Variants in LPA observed in about 807,000 individuals in gnomAD.
LPA encodes apolipoprotein(a).
A neutral mutation model predicts 197.9 loss-of-function variants in LPA; 199 were observed. The ratio of observed to expected loss-of-function variants is 1.01; its 90% CI spans 0.90 to 1.13. LPA has a LOEUF of 1.13. Among genes scored for constraint, LPA ranks in the 50% most tolerant of loss-of-function variants. The probability of loss-of-function intolerance (pLI) is 0.00; values close to 1 mark genes in which losing one functional copy is unlikely to be tolerated. For synonymous variants in LPA, 715 were observed against 639.5 expected (o/e 1.12, Z -1.78); for missense variants, 1,853 against 1,785.8 (o/e 1.04, Z -0.68).
At chr6:160,543,369 G>A (rs539349521) in intron 33 of LPA, among the ~76,000 whole-genome samples, 3 of 152,242 alleles carry the variant, frequency 2.0e-5, no homozygotes, top group Admixed American at 1.3e-4. Context: ...TACAGAGGGT[G>A]TTCAAAAATG....
chr6:160,609,066 T>C lies in LPA; in HGVS notation c.2604-2408A>G, dbSNP rs551336416. Among the ~76,000 whole-genome samples, 3 of 152,312 alleles carry C rather than the reference T, an allele frequency of 2.0e-5. No individual in the cohort carries two copies. The East Asian group carries it at 5.8e-4, about 29-fold the overall frequency. ...TGTTACTTTCTTTTGATATTTTATC[T>C]GTTTTATTACATATTCATCTTTTTT... On this transcript the variant is annotated intron_variant, in intron 16 of 38. Transcript: ENST00000316300.
At chr6:160,658,316 T>C (rs992174664) in intron 1 of LPA, among the ~76,000 whole-genome samples, 2 of 152,308 alleles carry the variant, frequency 1.3e-5, no homozygotes, top group Non-Finnish European at 1.5e-5. Context: ...GGCAAGGCTG[T>C]GCATGCACCT....
At chr6:160,605,360 T>C (rs948519377) in intron 17 of LPA, among the ~76,000 whole-genome samples, 155 bp from the exon 18 acceptor site, 5 of 152,174 alleles carry the variant, frequency 3.3e-5, no homozygotes, top group African/African-American at 1.2e-4. Context: ...TGTAGGCAGA[T>C]GGACTTGAGA....
chr6:160,562,962 T>C (rs1297843019), intron 28 of LPA, among the ~76,000 whole-genome samples: 1 of 152,238 alleles, frequency 6.6e-6, no homozygotes, highest in East Asian at 1.9e-4. Flanking sequence ...CTCTATTTTC[T>C]TCTTTATTAG....
intron 2 of LPA, among the ~76,000 whole-genome samples, chr6:160,647,611 A>T (rs999390312): frequency 7.2e-5 from 11 of 152,178 alleles, no homozygotes; most frequent in Non-Finnish European, 1.2e-4. Context: ...TTATACAACA[A>T]ACCTCAGAGT....
chr6:160,561,975 T>A (rs998262501), intron 28 of LPA, among the ~76,000 whole-genome samples: 4 of 152,160 alleles, frequency 2.6e-5, no homozygotes, highest in African/African-American at 7.2e-5. Flanking sequence ...TGGGCTGAGA[T>A]GATAGAGTTT....
At chr6:160,587,899 T>A (rs1324921668) in intron 24 of LPA, among the ~76,000 whole-genome samples, 1 of 152,082 alleles carries the variant, frequency 6.6e-6, no homozygotes, top group Non-Finnish European at 1.5e-5. Flanking sequence ...AAAGTGATGA[T>A]AAGGCCATCC....
chr6:160,587,605 G>A (rs1348912116), intron 24 of LPA, among the ~76,000 whole-genome samples: 1 of 151,914 alleles, frequency 6.6e-6, no homozygotes, highest in Non-Finnish European at 1.5e-5. Context: ...TGTATATTTG[G>A]CGTGTTGCGA....
chr6:160,609,268 T>C (rs374665056), intron 16 of LPA, among the ~76,000 whole-genome samples: 3 of 152,116 alleles, frequency 2.0e-5, no homozygotes, highest in African/African-American at 7.2e-5. Flanking sequence ...TTATCCAACA[T>C]GGATGATCTT....
chr6:160,643,083 A>AGATTGTGTGTGT (rs1554242208), intron 4 of LPA, among the ~76,000 whole-genome samples: 33 of 130,844 alleles, frequency 2.5e-4, no homozygotes, highest in South Asian at 5.3e-4. Context: ...GTGTGTTTTC[A>AGATTGTGTGTGT]GTGTGTGTGT....
At chr6:160,659,269 T>C (rs1199234124) in intron 1 of LPA, among the ~76,000 whole-genome samples, 1 of 152,132 alleles carries the variant, frequency 6.6e-6, no homozygotes, top group Non-Finnish European at 1.5e-5. Flanking sequence ...TGGCCTCTTT[T>C]CCATAGGGTG....
chr6:160,563,574 C>G (rs1778398248), intron 28 of LPA, among the ~76,000 whole-genome samples: 1 of 152,172 alleles, frequency 6.6e-6, no homozygotes, highest in Non-Finnish European at 1.5e-5. Flanking sequence ...CTGTAGATGT[C>G]TATTAGGTCA....
intron 30 of LPA, among the ~76,000 whole-genome samples, chr6:160,553,966 CGTGT>C (rs1231552269): frequency 8.7e-5 from 4 of 45,772 alleles, no homozygotes; most frequent in Non-Finnish European, 2.3e-4. Flanking sequence ...CGCGCGCGCG[CGTGT>C]GCGTGTGTGT....
Position 160,547,843 on chromosome 6 carries a change from A to T in LPA, c.5250T>A (p.His1750Gln). The change falls in exon 32 of 39, where the codon CAT (histidine) becomes CAA (glutamine). Residue 1750 changes from histidine to glutamine, a missense_variant. His to Gln is a conservative substitution (Grantham distance 24, BLOSUM62 0). Transcript: ENST00000316300. ...TCCCTGGAATGAACGTGCTGTGTCT[A>T]TGGGGCTCCTGGGCAGCCCATTCCT... ...PCQEWAAQEP[H>Q]RHSTFIPGTN... 7 of 1,614,132 alleles carry T rather than the reference A, an allele frequency of 4.3e-6. No homozygotes were observed. The highest frequency in any genetic ancestry group is 5.1e-6 in the Non-Finnish European group (6 of 1,180,026).
intron 26 of LPA, among the ~76,000 whole-genome samples, chr6:160,582,111 C>G (rs1778812526): frequency 6.6e-6 from 1 of 152,042 alleles, no homozygotes; most frequent in African/African-American, 2.4e-5. Flanking sequence ...ACGTAACATT[C>G]ATTTTCAGTG....
At chr6:160,573,692 T>A (rs1014886058) in intron 28 of LPA, among the ~76,000 whole-genome samples, 1 of 152,176 alleles carries the variant, frequency 6.6e-6, no homozygotes, top group Non-Finnish European at 1.5e-5. Context: ...TTATTGCCTG[T>A]CTTCTGGGTC....
At chr6:160,576,571 A>G (rs9347418) in intron 28 of LPA, among the ~76,000 whole-genome samples, 44,100 of 144,558 alleles carry the variant, frequency 0.31, 7,121 homozygotes, top group East Asian at 0.4. Context: ...ATAATTTTTA[A>G]TGAAATATTA....
At chr6:160,551,700 A>G (rs914914721) in intron 30 of LPA, among the ~76,000 whole-genome samples, 5 of 152,194 alleles carry the variant, frequency 3.3e-5, no homozygotes, top group Non-Finnish European at 7.4e-5. Context: ...GAGATATCAA[A>G]ATAATTTGAG....
chr6:160,592,867 T>C (rs1056400586), intron 22 of LPA, among the ~76,000 whole-genome samples: 2 of 152,196 alleles, frequency 1.3e-5, no homozygotes, highest in Non-Finnish European at 2.9e-5. Context: ...GAGGTGTCTC[T>C]CCTCTGAGTG....
Sources: allele counts gnomAD v4.1 joint callset (sites outside exome capture counted in the v4.1 genomes callset), GRCh38; gene constraint gnomAD v4.1.1; transcripts MANE v1.5; gene names NCBI Gene and HGNC (gene_info 2026-07-23, HGNC 2026-07-21).